Variants in FRMD3 observed in about 807,000 individuals in gnomAD.
FRMD3 encodes the protein FERM domain-containing protein 3.
Under a neutral mutation model 70.2 loss-of-function variants are expected in FRMD3, and 33 were observed. The ratio of observed to expected loss-of-function variants is 0.47; its 90% CI spans 0.36 to 0.63. FRMD3 has a LOEUF of 0.63. Among genes scored for constraint, FRMD3 ranks in the 20% least tolerant of loss-of-function variants. The pLI is 0.00. For synonymous variants in FRMD3, 279 were observed against 255.9 expected, an observed-to-expected ratio of 1.09 and a Z score of -0.86; for missense variants, 632 against 711.4, an observed-to-expected ratio of 0.89 and a Z score of 1.27.
At chr9:83,362,954 T>C (rs35469709) in intron 3 of FRMD3, among the ~76,000 whole-genome samples, 38,190 of 139,490 alleles carry the variant, frequency 0.27, 6,523 homozygotes, top group Non-Finnish European at 0.36. Flanking sequence ...TTGCTTTCTT[T>C]CTTCCTTCCT....
chr9:83,248,275 GTCT>G lies in FRMD3; in HGVS notation c.1434_1436del (p.Glu478del), dbSNP rs1219607697. 1 of 1,614,176 alleles carries G rather than the reference GTCT, an allele frequency of 6.2e-7. No individual in the cohort carries two copies. The highest frequency in any genetic ancestry group is 8.5e-7 in the Non-Finnish European group (1 of 1,180,042). On this transcript the variant is annotated inframe_deletion, in exon 14 of 14. Coordinates refer to ENST00000304195, the MANE Select transcript of FRMD3 (RefSeq NM_174938.6). Reference sequence around the variant, plus strand: ...CTTCCAGATCCTCAAATGAATCTGTGTCTTCTCTTTCCAACTCAAGCCTAGAAG... The same window carrying G: ...CTTCCAGATCCTCAAATGAATCTGTGTCTCTTTCCAACTCAAGCCTAGAAG...
chr9:83,349,595 C>T (rs1322766308), intron 4 of FRMD3, 84 bp downstream of exon 4: 3 of 909,984 alleles, frequency 3.3e-6, no homozygotes, highest in Non-Finnish European at 5.2e-6. Flanking sequence ...CAGCTCTAGA[C>T]AGGAGGCCCA....
At chr9:83,484,746 A>T (rs1331085122) in intron 1 of FRMD3, among the ~76,000 whole-genome samples, 1 of 152,236 alleles carries the variant, frequency 6.6e-6, no homozygotes, top group Non-Finnish European at 1.5e-5. Flanking sequence ...GAGGAATGAA[A>T]TACCAATGAA....
At chr9:83,281,475 C>A (rs1344013689) in intron 13 of FRMD3, 2 of 152,140 alleles carry the variant, frequency 1.3e-5, no homozygotes, top group Non-Finnish European at 2.9e-5. Flanking sequence ...GGACACTTGA[C>A]TGACTCATTT....
chr9:83,549,630 A>G, the FRMD3 span, among the ~76,000 whole-genome samples: 233 of 152,154 alleles, frequency 1.5e-3, no homozygotes, highest in Non-Finnish European at 2.7e-3. Flanking sequence ...TGACTTTTTA[A>G]TAATAGCCAT....
At chr9:83,265,569 T>C (rs765325579) in intron 13 of FRMD3, among the ~76,000 whole-genome samples, 1 of 151,898 alleles carries the variant, frequency 6.6e-6, no homozygotes, top group Non-Finnish European at 1.5e-5. Context: ...AAAAACACAA[T>C]AGAAATGTAC....
At chr9:83,582,076 C>CT in the FRMD3 span, among the ~76,000 whole-genome samples, 3 of 151,378 alleles carry the variant, frequency 2.0e-5, no homozygotes, top group Admixed American at 6.6e-5. Context: ...AAAGTAATCT[C>CT]TTTTTTTTTC....
At chr9:83,581,313 T>C in the FRMD3 span, among the ~76,000 whole-genome samples, 2 of 152,132 alleles carry the variant, frequency 1.3e-5, no homozygotes, top group African/African-American at 4.8e-5. Context: ...GCAAAGGATT[T>C]GAATAGACAG....
rs569593365 is a variant in FRMD3 at position 83,453,053 on chromosome 9, G to A, written c.148-63345C>T. Among the ~76,000 whole-genome samples the A allele has an allele frequency of 2.6e-3, 394 of 151,346 alleles. 1 individual carries two copies. Among genetic ancestry groups the A allele is most frequent in the Non-Finnish European group, 3.5e-3 (238 of 67,852 alleles). The stretch of plus-strand genomic sequence containing the variant: ...TATTGTTTAGTAGACACGGGGTTTC[G>A]CCATGTTGGTCAGGCTGGTCTCAAA... On this transcript the variant is annotated intron_variant, in intron 1 of 13. Transcript: ENST00000304195.
chr9:83,262,389 T>C (rs1037115477), intron 13 of FRMD3, among the ~76,000 whole-genome samples: 11 of 152,212 alleles, frequency 7.2e-5, no homozygotes, highest in African/African-American at 2.7e-4. Flanking sequence ...CTGCAAACTC[T>C]GCCACCTTCT....
At chr9:83,578,959 G>A in the FRMD3 span, among the ~76,000 whole-genome samples, 136 of 151,958 alleles carry the variant, frequency 8.9e-4, no homozygotes, top group African/African-American at 3.2e-3. Context: ...CTGATAAACA[G>A]ATTTAGTAAA....
At chr9:83,452,289 C>T (rs936534019) in intron 1 of FRMD3, among the ~76,000 whole-genome samples, 14 of 152,168 alleles carry the variant, frequency 9.2e-5, no homozygotes, top group African/African-American at 3.4e-4. Flanking sequence ...TTGTAGTTCA[C>T]AAGCATGGTG....
chr9:83,532,579 G>A (rs756393538), intron 1 of FRMD3, among the ~76,000 whole-genome samples: 10 of 152,032 alleles, frequency 6.6e-5, no homozygotes, highest in African/African-American at 7.3e-5. Context: ...TCTGAAAGAC[G>A]CTCCTGCATG....
At chr9:83,469,813 G>C (rs1828224364) in intron 1 of FRMD3, among the ~76,000 whole-genome samples, 1 of 152,204 alleles carries the variant, frequency 6.6e-6, no homozygotes, top group African/African-American at 2.4e-5. Context: ...CATGCAGCCA[G>C]TGTCTTCTCA....
chr9:83,281,633 A>G (rs891166053), intron 13 of FRMD3: 1 of 152,246 alleles, frequency 6.6e-6, no homozygotes, highest in South Asian at 2.1e-4. Flanking sequence ...CTGTAAGTAA[A>G]TGAGTAATTA....
intron 4 of FRMD3, among the ~76,000 whole-genome samples, chr9:83,345,785 T>C (rs1259059478): frequency 6.6e-6 from 1 of 151,346 alleles, no homozygotes; most frequent in Non-Finnish European, 1.5e-5. Context: ...AAGAAATTAA[T>C]TAATTAATTA....
intron 6 of FRMD3, among the ~76,000 whole-genome samples, chr9:83,327,774 A>G (rs1243295497): frequency 6.6e-6 from 1 of 152,172 alleles, no homozygotes; most frequent in Admixed American, 6.5e-5. Context: ...TGGGTTCAAA[A>G]AATATGATTT....
rs1168512838 is a variant in FRMD3, at chr9:83,519,094, T to C, written c.147+18991A>G. Among the ~76,000 whole-genome samples the C allele has an allele frequency of 1.3e-5, 2 of 152,208 alleles. 1 individual carries two copies. Among genetic ancestry groups the C allele is most frequent in the Non-Finnish European group, 2.9e-5 (2 of 68,042 alleles). On this transcript the variant is annotated intron_variant, in intron 1 of 13. Coordinates refer to ENST00000304195, the MANE Select transcript of FRMD3 (RefSeq NM_174938.6). ...GACATAGGCATGGACAAAGACTTCATGACTAAAACACCAAAAGCAATGGCA... is the reference window on the plus strand; with the variant it reads ...GACATAGGCATGGACAAAGACTTCACGACTAAAACACCAAAAGCAATGGCA...
At chr9:83,436,052 G>C (rs1345564932) in intron 1 of FRMD3, among the ~76,000 whole-genome samples, 2 of 152,238 alleles carry the variant, frequency 1.3e-5, no homozygotes, top group East Asian at 3.9e-4. Flanking sequence ...AAATCATGGT[G>C]CATCAAAGCC....
Sources: gnomAD v4.1 joint callset for allele counts (sites outside exome capture counted in the v4.1 genomes callset) on GRCh38, gnomAD v4.1.1 for gene constraint, MANE v1.5 for transcripts, NCBI Gene and HGNC (gene_info 2026-07-23, HGNC 2026-07-21) for gene names.